Variants in CARD10 observed in about 807,000 individuals in gnomAD.
CARD10 encodes caspase recruitment domain-containing protein 10.
Under a neutral mutation model 114.6 loss-of-function variants are expected in CARD10, and 49 were observed. That is an observed-to-expected ratio of 0.43 (90% CI 0.34 to 0.54). The LOEUF (loss-of-function observed/expected upper bound fraction) is 0.54, where lower values mean the gene tolerates loss of function less well. Among genes scored for constraint, CARD10 ranks in the 20% least tolerant of loss-of-function variants. CARD10 has a pLI of 0.03. For synonymous variants in CARD10, 602 were observed against 593.2 expected (o/e 1.01, Z -0.21); for missense variants, 1,206 against 1,397.2 (o/e 0.86, Z 2.18).
Position 37,503,177 on chromosome 22 carries a change from G to A in CARD10, c.1663+8C>T, listed in dbSNP as rs1222719306. The A allele has an allele frequency of 3.1e-6, 5 of 1,610,982 alleles. No individual in the cohort carries two copies. The highest frequency in any genetic ancestry group is 4.2e-6 in the Non-Finnish European group (5 of 1,178,882). On this transcript the variant is annotated splice_region_variant and intron_variant, in intron 10 of 19. Coordinates refer to ENST00000251973, the MANE Select transcript of CARD10 (RefSeq NM_014550.4). ...GGAGCCCTCCCCACGGAACTCAAGG[G>A]CTGTTACCTGTGATGTCTGACATGC...
chr22:37,516,214 C>G lies in CARD10; in HGVS notation c.458G>C (p.Arg153Pro), dbSNP rs1187928736. 6.2e-6 allele frequency: 10 copies of G among 1,600,660 alleles called. No individual in the cohort carries two copies. Among genetic ancestry groups the G allele is most frequent in the African/African-American group, 1.3e-5 (1 of 74,756 alleles). The change falls in exon 3 of 20, where the codon CGG (arginine) becomes CCG (proline). Residue 153 changes from arginine (R) to proline (P), a missense_variant. Transcript: ENST00000251973. ...GCCCCGGGCCTGCAGTTGCTGCTCC[C>G]GCTGCAGCTGGCTCTTGCGAGCTTC... ...LREARKSQLQ[R>P]EQQLQARGRV...
At chr22:37,516,965 G>A (rs1461824657) in intron 2 of CARD10, among the ~76,000 whole-genome samples, 3 of 152,116 alleles carry the variant, frequency 2.0e-5, no homozygotes, top group South Asian at 2.1e-4. Flanking sequence ...TGGTAAAAAC[G>A]TTTAAACATG....
At chr22:37,503,003 C>A (rs1184462558) in intron 10 of CARD10, among the ~76,000 whole-genome samples, 182 bp downstream of exon 10, 1 of 152,254 alleles carries the variant, frequency 6.6e-6, no homozygotes, top group African/African-American at 2.4e-5. Context: ...GGGTGAGAGG[C>A]TGGAACCAAA....
chr22:37,502,661 C>T lies in CARD10; in HGVS notation c.1728G>A (p.Trp576Ter). 1 of 1,613,966 alleles carries T rather than the reference C, an allele frequency of 6.2e-7. No individual in the cohort carries two copies. Among genetic ancestry groups the T allele is most frequent in the Non-Finnish European group, 8.5e-7 (1 of 1,179,978 alleles). The change falls in exon 11 of 20, where the codon TGG becomes TGA. Residue 576 changes from tryptophan to a stop codon, truncating the protein, a stop_gained. Coordinates refer to ENST00000251973, the MANE Select transcript of CARD10 (RefSeq NM_014550.4). LOFTEE classifies it high-confidence loss of function. ...GGAGGCCTTCCGGCTTTCCCAAAGG[C>T]CACACGCTGTCAGAGGATGAGGACG... ...LSSSSSSDSV[W>*]PLGKPEGLLA... is the part of the protein sequence containing the mutation.
chr22:37,503,210 G>T lies in CARD10; in HGVS notation c.1638C>A (p.Ser546=). The part of the protein sequence containing the change: ...REEDPAPPKR[S]FSSMSDITGS... ...CTGTGATGTCTGACATGCTGCTGAA[G>T]GATCTGGGCAGAGAGAGGGCAGGGA... is the stretch of plus-strand genomic sequence containing the variant. Residue 546 remains serine, a synonymous_variant, in exon 10 of 20, where the codon TCC becomes TCA. Transcript: ENST00000251973. The T allele has an allele frequency of 6.2e-7, 1 of 1,611,322 alleles. No individual in the cohort carries two copies. Among genetic ancestry groups the T allele is most frequent in the Non-Finnish European group, 8.5e-7 (1 of 1,178,878 alleles).
intron 10 of CARD10, 133 bp downstream of exon 10, chr22:37,503,052 C>T (rs1601812692): frequency 9.9e-7 from 1 of 1,015,006 alleles, no homozygotes; most frequent in East Asian, 2.6e-5. Context: ...TCCTGCCTGG[C>T]AGGGGCCACG....
intron 3 of CARD10, chr22:37,514,645 T>G (rs1466949560): frequency 6.6e-6 from 1 of 152,268 alleles, no homozygotes; most frequent in Non-Finnish European, 1.5e-5. Context: ...GGCACACCAG[T>G]GCACCCACAT....
At chr22:37,508,415 T>C (rs538868377) in intron 5 of CARD10, 112 bp downstream of exon 5, 300 of 1,162,068 alleles carry the variant, frequency 2.6e-4, no homozygotes, top group Non-Finnish European at 3.4e-4. Context: ...AACAAATGAA[T>C]GCAGTTCTCA....
chr22:37,490,980 C>T lies in CARD10; in HGVS notation c.*179G>A, dbSNP rs190162662. 4.2e-3 allele frequency: 2,523 copies of T among 596,178 alleles called. 45 individuals carry two copies. The highest frequency in any genetic ancestry group is 0.033 in the South Asian group (1,611 of 48,836). 36.9% of individuals were successfully genotyped at this position (596,178 alleles called of 1,614,324 possible). A position where few individuals can be genotyped will look rare whatever the true frequency, so the allele number is the denominator to read the frequency against. ...GTAGAGGGGAGTGGGCACTCTGTCC[C>T]GGGACTCCCATAGGCTCGGCAGGGC... On this transcript the variant is annotated 3_prime_UTR_variant, in exon 20 of 20. Transcript: ENST00000251973.
In CARD10 at chr22:37,519,202, GCC is replaced by G. The variant is rs1923947430; in HGVS notation, c.-4_-3del. The G allele has an allele frequency of 6.6e-7, 1 of 1,522,656 alleles. No individual in the cohort carries two copies. The highest frequency in any genetic ancestry group is 1.4e-5 in the African/African-American group (1 of 71,994). 94.3% of individuals were successfully genotyped at this position (1,522,656 alleles called of 1,614,324 possible). A position where few individuals can be genotyped will look rare whatever the true frequency, so the allele number is the denominator to read the frequency against. Reference sequence around the variant, plus strand: ...CCCCGCCTCCGCCCGGCCCGGCATGGCCGTGTCCTCAGGGTCTGCGGGCAAGA... The same window carrying G: ...CCCCGCCTCCGCCCGGCCCGGCATGGGTGTCCTCAGGGTCTGCGGGCAAGA... On this transcript the variant is annotated 5_prime_UTR_variant, in exon 1 of 20. Coordinates refer to ENST00000251973, the MANE Select transcript of CARD10 (RefSeq NM_014550.4). This position sits in a 1 kb window ranked among gnomAD's most constrained non-coding sequence, Gnocchi z 4.1.
chr22:37,510,601 C>T, intron 3 of CARD10, 180 bp from the exon 4 acceptor site: 1 of 600,842 alleles, frequency 1.7e-6, no homozygotes. Flanking sequence ...ATAAAACAAA[C>T]AGGGCTGAGG....
At chr22:37,515,469 A>G (rs977698858) in intron 3 of CARD10, among the ~76,000 whole-genome samples, 1 of 150,370 alleles carries the variant, frequency 6.7e-6, no homozygotes, top group African/African-American at 2.4e-5. Context: ...AAGCTGAGGC[A>G]GGAGAATCGC....
At chr22:37,494,812 T>G (rs887865948) in intron 15 of CARD10, among the ~76,000 whole-genome samples, 2 of 152,212 alleles carry the variant, frequency 1.3e-5, no homozygotes, top group African/African-American at 4.8e-5. Context: ...GTGGCAGAGC[T>G]GGGGTCGAAT....
At chr22:37,506,428 G>T in intron 6 of CARD10, 45 bp from the exon 7 acceptor site, 1 of 1,459,464 alleles carries the variant, frequency 6.9e-7, no homozygotes, top group Middle Eastern at 1.8e-4. Flanking sequence ...AGCCACCTTG[G>T]CCCAGCTTTC....
rs371274034 is a variant in CARD10 at position 37,512,779 on chromosome 22, T to C, written c.700-2358A>G. On this transcript the variant is annotated intron_variant, in intron 3 of 19. Transcript: ENST00000251973. ...TGATGAGCTCAGAGGACAGGACACCTGGGAGTCTCCGACGAGCAACAGGAA... is the reference window on the plus strand; with the variant it reads ...TGATGAGCTCAGAGGACAGGACACCCGGGAGTCTCCGACGAGCAACAGGAA... Among the ~76,000 whole-genome samples the C allele has an allele frequency of 4.5e-4, 68 of 152,276 alleles. 1 individual carries two copies. In the East Asian group the frequency reaches 7.5e-3, roughly 17 times the overall value.
At chr22:37,507,318 G>T (rs1379782540) in intron 6 of CARD10, among the ~76,000 whole-genome samples, 1 of 152,176 alleles carries the variant, frequency 6.6e-6, no homozygotes, top group East Asian at 1.9e-4. Flanking sequence ...CCTCTAGTGG[G>T]ATTCACACCT....
At chr22:37,513,314 G>A (rs780950650) in intron 3 of CARD10, among the ~76,000 whole-genome samples, 19 of 152,160 alleles carry the variant, frequency 1.2e-4, no homozygotes, top group Non-Finnish European at 2.1e-4. Flanking sequence ...GTTTCACCAC[G>A]TTAGCCGGGA....
In CARD10 at chr22:37,494,071, C is replaced by A; in HGVS notation, c.2476+15G>T. 1 of 1,521,554 alleles carries A rather than the reference C, an allele frequency of 6.6e-7. No homozygotes were observed. The highest frequency in any genetic ancestry group is 8.9e-7 in the Non-Finnish European group (1 of 1,119,958). The allele number at this position is 1,521,554 out of a possible 1,614,324, so 94.3% of individuals were successfully genotyped here. ...GGGAGCAACACGGGATACAGCTTTG[C>A]CCCCGCGCACTCACCTGCACAGGGC... On this transcript the variant is annotated intron_variant, in intron 16 of 19. Transcript: ENST00000251973.
Position 37,496,642 on chromosome 22 carries a change from T to TG in CARD10, c.1948-83dup, listed in dbSNP as rs1359637794. The TG allele has an allele frequency of 2.6e-5, 26 of 989,938 alleles. No homozygotes were observed. The East Asian group carries it at 6.5e-4, about 25-fold the overall frequency. 61.3% of individuals were successfully genotyped at this position (989,938 alleles called of 1,614,324 possible). A position where few individuals can be genotyped will look rare whatever the true frequency, so the allele number is the denominator to read the frequency against. ...CCAGGGGCTGGAGGAAGACCAGGTG[T>TG]GGGGGTGTTTCATGCCTCACAGTTC... On this transcript the variant is annotated intron_variant, in intron 12 of 19. Transcript: ENST00000251973. The surrounding 1 kb of genome is among the most constrained non-coding windows in gnomAD (Gnocchi z 4.1).
Sources: allele counts gnomAD v4.1 joint callset (sites outside exome capture counted in the v4.1 genomes callset), GRCh38; gene constraint gnomAD v4.1.1; non-coding constraint Gnocchi (gnomAD v3.1); transcripts MANE v1.5; gene names NCBI Gene and HGNC (gene_info 2026-07-23, HGNC 2026-07-21).